Variants in CDH18 observed in about 807,000 individuals in gnomAD.
CDH18 encodes cadherin 18.
Under a neutral mutation model 67.9 loss-of-function variants are expected in CDH18, and 31 were observed. The ratio of observed to expected loss-of-function variants is 0.46; its 90% CI spans 0.34 to 0.62. The LOEUF (loss-of-function observed/expected upper bound fraction) is 0.62, where lower values mean the gene tolerates loss of function less well. Among genes scored for constraint, CDH18 ranks in the 20% least tolerant of loss-of-function variants. CDH18 has a pLI of 0.01. For missense variants in CDH18, 890 were observed against 975.5 expected (o/e 0.91, Z 1.17); for synonymous variants, 362 against 347.2 (o/e 1.04, Z -0.48).
chr5:19,779,662 TCTTA>T (rs1453262670), intron 3 of CDH18, among the ~76,000 whole-genome samples: 1 of 152,130 alleles, frequency 6.6e-6, no homozygotes, highest in African/African-American at 2.4e-5. Flanking sequence ...AAGTTGCACA[TCTTA>T]CTTACACCAA....
At chr5:20,473,687 A>G (rs1752245141) in intron 1 of CDH18, among the ~76,000 whole-genome samples, 1 of 152,136 alleles carries the variant, frequency 6.6e-6, no homozygotes, top group African/African-American at 2.4e-5. Context: ...TGTCTCCTGA[A>G]ATGTATCAAT....
At chr5:20,250,200 T>C (rs1479891166) in intron 2 of CDH18, among the ~76,000 whole-genome samples, 1 of 152,224 alleles carries the variant, frequency 6.6e-6, no homozygotes, top group Non-Finnish European at 1.5e-5. Flanking sequence ...TAAAATCTTT[T>C]CTTCCACATT....
At chr5:20,419,619 A>T (rs1023027211) in intron 1 of CDH18, among the ~76,000 whole-genome samples, 26 of 150,500 alleles carry the variant, frequency 1.7e-4, no homozygotes, top group African/African-American at 6.0e-4. Context: ...CTGGGACTAC[A>T]GGCGCCCGCC....
At chr5:19,489,162 A>G (rs1207099857) in intron 11 of CDH18, among the ~76,000 whole-genome samples, 1 of 152,094 alleles carries the variant, frequency 6.6e-6, no homozygotes, top group African/African-American at 2.4e-5. Flanking sequence ...TCCACCTAGT[A>G]TATAGAAAAA....
intron 6 of CDH18, among the ~76,000 whole-genome samples, chr5:19,596,196 A>G (rs1417552353): frequency 6.6e-6 from 1 of 152,182 alleles, no homozygotes; most frequent in African/African-American, 2.4e-5. Flanking sequence ...GCTTTTGTCA[A>G]TGGTCGTGTT....
chr5:19,483,608 C>T lies in CDH18; in HGVS notation c.1631-56G>A, dbSNP rs1658416067. 3 of 1,515,784 alleles carry T rather than the reference C, an allele frequency of 2.0e-6. No individual in the cohort carries two copies. The Admixed American group carries it at 6.1e-5, about 31-fold the overall frequency. 93.9% of individuals were successfully genotyped at this position (1,515,784 alleles called of 1,614,324 possible). ...CTTAGTCAAGCCGCCATTCAAGATT[C>T]ACATTTCCTTTAATGGATAAAATGG... On this transcript the variant is annotated intron_variant, in intron 11 of 12. Transcript: ENST00000382275.
At chr5:19,755,539 A>ATT (rs1258443311) in intron 3 of CDH18, among the ~76,000 whole-genome samples, 2 of 62,488 alleles carry the variant, frequency 3.2e-5, no homozygotes, top group Admixed American at 2.0e-4. Flanking sequence ...TTAGTTTTAT[A>ATT]TTTTATATAT....
chr5:19,781,391 T>G (rs966142799), intron 3 of CDH18, among the ~76,000 whole-genome samples: 74 of 152,176 alleles, frequency 4.9e-4, no homozygotes, highest in African/African-American at 1.6e-3. Flanking sequence ...CTACAAAAGA[T>G]ATTAGAAAAT....
intron 1 of CDH18, among the ~76,000 whole-genome samples, chr5:20,454,896 T>G (rs553813756): frequency 6.6e-6 from 1 of 152,220 alleles, no homozygotes; most frequent in African/African-American, 2.4e-5. Context: ...GGAAAGGGGT[T>G]ATGTCCTCCC....
At chr5:19,651,588 C>G (rs574299542) in intron 5 of CDH18, among the ~76,000 whole-genome samples, 1 of 152,090 alleles carries the variant, frequency 6.6e-6, no homozygotes, top group African/African-American at 2.4e-5. Context: ...AAAGACATCC[C>G]AAACTGGAAA....
chr5:19,661,772 C>G (rs902520949), intron 5 of CDH18, among the ~76,000 whole-genome samples: 2 of 152,008 alleles, frequency 1.3e-5, no homozygotes, highest in African/African-American at 4.8e-5. Context: ...TTCTAAGAGC[C>G]TGACCCATAT....
rs143101180 is a variant in CDH18, at chr5:20,067,185, C to T, written c.-517-75171G>A. ...TGCCATTTTATATCAGTGACTTGAG[C>T]GTTGAGTATATTGGTATCTCTACAG... On this transcript the variant is annotated intron_variant, in intron 2 of 14. Coordinates refer to the CDH18 transcript ENST00000507958. Among the ~76,000 whole-genome samples, 62 of 151,732 alleles carry T rather than the reference C, an allele frequency of 4.1e-4. 2 individuals are homozygous for T. In the East Asian group the frequency reaches 0.011, roughly 27 times the overall value.
intron 3 of CDH18, among the ~76,000 whole-genome samples, chr5:19,778,916 C>T (rs1774745114): frequency 6.6e-6 from 1 of 152,154 alleles, no homozygotes; most frequent in African/African-American, 2.4e-5. Context: ...ATACCTCCTC[C>T]TTGCACTAGA....
intron 1 of CDH18, among the ~76,000 whole-genome samples, chr5:20,292,089 G>T (rs1425418108): frequency 1.3e-5 from 2 of 152,174 alleles, no homozygotes; most frequent in East Asian, 3.9e-4. Context: ...TGAACCATTT[G>T]CAAAGGTAAG....
At chr5:19,958,772 G>A (rs538034261) in intron 2 of CDH18, among the ~76,000 whole-genome samples, 1 of 152,078 alleles carries the variant, frequency 6.6e-6, no homozygotes, top group South Asian at 2.1e-4. Context: ...AGTAACAAAC[G>A]AGACATGAGA....
chr5:19,816,040 A>C (rs73057664), intron 3 of CDH18, among the ~76,000 whole-genome samples: 1,723 of 152,034 alleles, frequency 0.011, 30 homozygotes, highest in African/African-American at 0.037. Flanking sequence ...AATACAGTGA[A>C]GATAGAGAAC....
intron 1 of CDH18, among the ~76,000 whole-genome samples, chr5:20,529,368 C>T (rs1052535548): frequency 2.0e-5 from 3 of 150,868 alleles, no homozygotes; most frequent in African/African-American, 4.9e-5. Context: ...TCCAAAGAAT[C>T]GAAAAGGGGA....
intron 2 of CDH18, among the ~76,000 whole-genome samples, chr5:19,854,236 T>C (rs1261924943): frequency 6.6e-6 from 1 of 152,058 alleles, no homozygotes; most frequent in Admixed American, 6.6e-5. Context: ...CAACAGATTA[T>C]AAAAAATCTA....
At chr5:20,219,621 A>G (rs1407949477) in intron 2 of CDH18, among the ~76,000 whole-genome samples, 2 of 151,974 alleles carry the variant, frequency 1.3e-5, no homozygotes, top group Non-Finnish European at 2.9e-5. Context: ...CACATTAAAA[A>G]GATCATTCAT....
Sources: gnomAD v4.1 joint callset for allele counts (sites outside exome capture counted in the v4.1 genomes callset) on GRCh38, gnomAD v4.1.1 for gene constraint, MANE v1.5 for transcripts, NCBI Gene and HGNC (gene_info 2026-07-23, HGNC 2026-07-21) for gene names.